MYO16: variants seen among roughly 807,000 people sequenced by gnomAD.
MYO16 encodes myosin XVI.
In MYO16, 94 loss-of-function variants were observed where a neutral mutation model predicts 205.3. The observed-to-expected ratio is 0.46, with a 90% CI of 0.39 to 0.54. The LOEUF (loss-of-function observed/expected upper bound fraction) is 0.54. MYO16 is among the 20% of genes least tolerant of loss of function. The pLI is 0.00. For missense variants in MYO16, 2,315 were observed against 2,387.5 expected (o/e 0.97, Z 0.63); for synonymous variants, 988 against 954.0 (o/e 1.04, Z -0.66).
chr13:108,950,290 A>C (rs1379949981), intron 16 of MYO16, among the ~76,000 whole-genome samples: 2 of 152,222 alleles, frequency 1.3e-5, no homozygotes, highest in African/African-American at 4.8e-5. Flanking sequence ...CATATCCAAC[A>C]AAGGACTAAT....
At chr13:109,179,190 A>T (rs1345235735) in intron 33 of MYO16, among the ~76,000 whole-genome samples, 1 of 151,226 alleles carries the variant, frequency 6.6e-6, no homozygotes, top group South Asian at 2.1e-4. Context: ...CACCCTAGTG[A>T]CTCAGTGGGC....
intron 20 of MYO16, among the ~76,000 whole-genome samples, chr13:108,966,697 A>G (rs1883804868): frequency 6.6e-6 from 1 of 152,060 alleles, no homozygotes; most frequent in Non-Finnish European, 1.5e-5. Flanking sequence ...TTCTGTCGTA[A>G]CTCCCATATT....
chr13:109,100,578 G>A (rs954503404), intron 27 of MYO16, among the ~76,000 whole-genome samples: 2 of 152,126 alleles, frequency 1.3e-5, no homozygotes, highest in Non-Finnish European at 2.9e-5. Flanking sequence ...TATATTTGAC[G>A]CGTTGTAAAA....
At chr13:109,137,063 T>C (rs898001687) in intron 31 of MYO16, among the ~76,000 whole-genome samples, 6 of 152,194 alleles carry the variant, frequency 3.9e-5, no homozygotes, top group African/African-American at 1.4e-4. Context: ...CAATTACATC[T>C]CTGGTGTCTG....
At chr13:109,023,231 TACAG>T (rs1404512486) in intron 23 of MYO16, among the ~76,000 whole-genome samples, 4 of 111,216 alleles carry the variant, frequency 3.6e-5, no homozygotes, top group Admixed American at 2.3e-4. Context: ...TTATATATTA[TACAG>T]ATATAAATAT....
intron 34 of MYO16, among the ~76,000 whole-genome samples, chr13:109,201,922 C>CATTA (rs1403860498): frequency 6.6e-6 from 1 of 151,934 alleles, no homozygotes; most frequent in East Asian, 1.9e-4. Context: ...CTGCAAATGC[C>CATTA]ATTAATTACT....
chr13:108,985,311 C>T (rs1488332333), intron 20 of MYO16, among the ~76,000 whole-genome samples: 1 of 152,172 alleles, frequency 6.6e-6, no homozygotes, highest in Non-Finnish European at 1.5e-5. Flanking sequence ...GAAATCCATC[C>T]CTCCTTGACA....
chr13:108,658,266 G>A (rs532031064), intron 1 of MYO16, among the ~76,000 whole-genome samples: 1 of 152,002 alleles, frequency 6.6e-6, no homozygotes, highest in African/African-American at 2.4e-5. Flanking sequence ...TGCATAAATT[G>A]GTTCATTTTC....
chr13:108,597,256 G>T lies in MYO16; in HGVS notation c.-39+1017G>T, dbSNP rs185287082. On this transcript the variant is annotated intron_variant, in intron 1 of 24. Coordinates refer to the MYO16 transcript ENST00000251041. ...TAGCAAAGTGATAAATACACATGGT[G>T]AAAATAAACCAAATGATACTGAAGG... 3.9e-3 allele frequency among the ~76,000 whole-genome samples: 596 copies of T among 152,224 alleles called. 15 individuals carry two copies. The South Asian group carries it at 0.075, about 19-fold the overall frequency.
chr13:108,543,382 C>T, the MYO16 span, among the ~76,000 whole-genome samples: 11 of 152,254 alleles, frequency 7.2e-5, no homozygotes, highest in Non-Finnish European at 2.9e-5. Context: ...CAGTGGCTCA[C>T]GCCTGTAATC....
intron 33 of MYO16, among the ~76,000 whole-genome samples, chr13:109,165,436 G>A (rs1878610830): frequency 6.6e-6 from 1 of 152,190 alleles, no homozygotes; most frequent in Admixed American, 6.5e-5. Context: ...GTGCCAGACT[G>A]GCTTCAGGTA....
intron 33 of MYO16, among the ~76,000 whole-genome samples, chr13:109,171,315 G>C (rs1186697147): frequency 6.6e-6 from 1 of 152,190 alleles, no homozygotes; most frequent in African/African-American, 2.4e-5. Context: ...ATTAGTACAG[G>C]TTCATAACTT....
chr13:108,844,858 A>G (rs1435811504), intron 10 of MYO16, among the ~76,000 whole-genome samples: 2 of 152,212 alleles, frequency 1.3e-5, no homozygotes, highest in African/African-American at 4.8e-5. Flanking sequence ...CAAGAAGGGC[A>G]AACCAGTCAC....
upstream of MYO16, among the ~76,000 whole-genome samples, chr13:108,595,217 A>G (rs1878512751): frequency 6.6e-6 from 1 of 152,214 alleles, no homozygotes. Context: ...GACCAGTCAC[A>G]GAAGCCTGGA....
intron 12 of MYO16, among the ~76,000 whole-genome samples, chr13:108,872,635 A>G (rs1879123993): frequency 6.6e-6 from 1 of 151,372 alleles, no homozygotes; most frequent in African/African-American, 2.4e-5. Context: ...TTATATAAAT[A>G]AAATCTATAT....
intron 23 of MYO16, among the ~76,000 whole-genome samples, chr13:109,045,504 GT>G (rs1423650309): frequency 6.6e-6 from 1 of 152,190 alleles, no homozygotes; most frequent in Non-Finnish European, 1.5e-5. Flanking sequence ...TTAGGTAATG[GT>G]TTACTTGTAC....
At chr13:109,166,291 G>GA (rs1878658500) in intron 33 of MYO16, among the ~76,000 whole-genome samples, 1 of 152,142 alleles carries the variant, frequency 6.6e-6, no homozygotes, top group Non-Finnish European at 1.5e-5. Context: ...TCTGAAATTG[G>GA]AAAATGCAGT....
At chr13:108,745,689 TA>T (rs796419973) in intron 4 of MYO16, among the ~76,000 whole-genome samples, 19 of 151,508 alleles carry the variant, frequency 1.3e-4, no homozygotes, top group South Asian at 4.2e-4. Flanking sequence ...TTTGAAGATA[TA>T]AAAAAAACAT....
rs181012512 is a variant in MYO16 at position 109,067,502 on chromosome 13, T to G, written c.3335+11907T>G. 3.4e-3 allele frequency among the ~76,000 whole-genome samples: 522 copies of G among 152,320 alleles called. 10 individuals are homozygous for G. Among genetic ancestry groups the G allele is most frequent in the Admixed American group, 0.024 (371 of 15,302 alleles). ...ATGAGATTTGTACTGATATTGGCCC[T>G]GTTCCAAAGTAGTTGTTGGTTCCAA... is the stretch of plus-strand genomic sequence containing the variant. On this transcript the variant is annotated intron_variant, in intron 27 of 34. Coordinates refer to ENST00000457511, the MANE Select transcript of MYO16 (RefSeq NM_001198950.3).
Sources: gnomAD v4.1 joint callset for allele counts (sites outside exome capture counted in the v4.1 genomes callset) on GRCh38, gnomAD v4.1.1 for gene constraint, MANE v1.5 for transcripts, NCBI Gene and HGNC (gene_info 2026-07-23, HGNC 2026-07-21) for gene names.